The following BTN2A2 variants were observed in gnomAD, a reference collection of about 807,000 sequenced individuals.
BTN2A2 encodes butyrophilin subfamily 2 member A2.
BTN2A2 carries 29 observed loss-of-function variants against 34.7 expected under a neutral mutation model. The observed-to-expected ratio is 0.84, with a 90% CI of 0.62 to 1.14. The LOEUF (loss-of-function observed/expected upper bound fraction) is 1.14. Among genes scored for constraint, BTN2A2 ranks in the 50% most tolerant of loss-of-function variants. The pLI is 0.00. For missense variants in BTN2A2, 612 were observed against 651.5 expected (o/e 0.94, Z 0.66); for synonymous variants, 240 against 253.1 (o/e 0.95, Z 0.49).
rs191843070 is a variant in BTN2A2 at position 26,392,261 on chromosome 6, G to A, written c.980-114G>A. On this transcript the variant is annotated intron_variant, in intron 7 of 7. Transcript: ENST00000356709. ...GGGATCAGGGGACCTTCATGGAAAC[G>A]GCCACTACATGGGGAACCCCCTTCA... 9.3e-4 allele frequency: 1,465 copies of A among 1,571,738 alleles called. 1 individual carries two copies. Among genetic ancestry groups the A allele is most frequent in the Non-Finnish European group, 1.1e-3 (1,258 of 1,158,798 alleles).
At chr6:26,385,549 C>A in intron 3 of BTN2A2, 187 bp downstream of exon 3, 2 of 538,820 alleles carry the variant, frequency 3.7e-6, no homozygotes, top group Non-Finnish European at 6.5e-6. Flanking sequence ...ATAGGTTTCA[C>A]TTCTTTTTTT....
At chr6:26,388,518 CT>C (rs1313206426) in intron 4 of BTN2A2, among the ~76,000 whole-genome samples, 3 of 152,064 alleles carry the variant, frequency 2.0e-5, no homozygotes, top group South Asian at 4.2e-4. Context: ...TAAACCTGGT[CT>C]TTTTTTTCTT....
intron 3 of BTN2A2, among the ~76,000 whole-genome samples, chr6:26,387,198 C>G (rs1761256895): frequency 6.6e-6 from 1 of 152,084 alleles, no homozygotes; most frequent in Non-Finnish European, 1.5e-5. Flanking sequence ...CTTAAGGATC[C>G]CAGGGGCATC....
At position 26,390,093 on chromosome 6, in the gene BTN2A2, C is replaced by A; in HGVS notation, c.813C>A (p.Ile271=). ...CCTGGATGGTGTCCATGACTGTCATCCTGGCTGTTTTCATCATCTTCATGG... is the reference window on the plus strand; with the variant it reads ...CCTGGATGGTGTCCATGACTGTCATACTGGCTGTTTTCATCATCTTCATGG... The part of the protein sequence containing the change: ...ASPWMVSMTV[I]LAVFIIFMAV... Residue 271 remains isoleucine (I), a synonymous_variant, in exon 5 of 8, where the codon ATC becomes ATA. Coordinates refer to ENST00000356709, the MANE Select transcript of BTN2A2 (RefSeq NM_006995.5). 6.2e-7 allele frequency: 1 copy of A among 1,614,176 alleles called. No individual in the cohort carries two copies. Among genetic ancestry groups the A allele is most frequent in the Non-Finnish European group, 8.5e-7 (1 of 1,180,032 alleles).
At chr6:26,385,485 A>G in intron 3 of BTN2A2, 123 bp downstream of exon 3, 3 of 973,648 alleles carry the variant, frequency 3.1e-6, no homozygotes, top group South Asian at 1.7e-5. Context: ...TTCCACAGAG[A>G]AAGTGGCTTC....
chr6:26,385,028 C>T lies in BTN2A2; in HGVS notation c.108C>T (p.Val36=), dbSNP rs138070617. ...CTTGTTGAACAGCCCAGTTTACTGT[C>T]GTGGGGCCAGCTAATCCCATCCTGG... ...LCALVSAQFT[V]VGPANPILAM... The change falls in exon 3 of 8, where the codon GTC becomes GTT. Residue 36 remains valine, a synonymous_variant. Coordinates refer to ENST00000356709, the MANE Select transcript of BTN2A2 (RefSeq NM_006995.5). The T allele has an allele frequency of 1.0e-4, 165 of 1,613,482 alleles. No individual in the cohort carries two copies. Among genetic ancestry groups the T allele is most frequent in the Non-Finnish European group, 1.2e-4 (146 of 1,179,720 alleles).
chr6:26,393,224 CAGTCAAAAAGAA>C lies in BTN2A2; in HGVS notation c.*261_*272del. On this transcript the variant is annotated 3_prime_UTR_variant, in exon 8 of 8. Transcript: ENST00000356709. ...AGGGAACTAGTTGTTTCATAGCTCC[CAGTCAAAAAGAA>C]AGTGAGAGAAGCTGTTGGGCAGCGA... 1 of 1,491,662 alleles carries C rather than the reference CAGTCAAAAAGAA, an allele frequency of 6.7e-7. No individual in the cohort carries two copies. Among genetic ancestry groups the C allele is most frequent in the Non-Finnish European group, 8.9e-7 (1 of 1,122,528 alleles). 92.4% of individuals were successfully genotyped at this position (1,491,662 alleles called of 1,614,324 possible).
intron 5 of BTN2A2, 186 bp from the exon 6 acceptor site, chr6:26,390,501 A>G: frequency 5.1e-6 from 4 of 787,740 alleles, no homozygotes; most frequent in Non-Finnish European, 6.2e-6. Context: ...AAAGTCTAAC[A>G]ATGTACTGAT....
At chr6:26,390,752 CTGCTT>C in intron 6 of BTN2A2, 45 bp downstream of exon 6, 1 of 1,614,246 alleles carries the variant, frequency 6.2e-7, no homozygotes, top group Non-Finnish European at 8.5e-7. Context: ...AATTTGTGTT[CTGCTT>C]ACTTAGCAGT....
Position 26,384,956 on chromosome 6 carries a change from G to C in BTN2A2, c.95-59G>C, listed in dbSNP as rs1469779916. 1 of 1,499,480 alleles carries C rather than the reference G, an allele frequency of 6.7e-7. No homozygotes were observed. The highest frequency in any genetic ancestry group is 1.4e-5 in the African/African-American group (1 of 70,548). 92.9% of individuals were successfully genotyped at this position (1,499,480 alleles called of 1,614,324 possible). ...TGTTTGTTTTTGTTTTTTGTTTTTT[G>C]TTTTGCCTTAGAGTTGTGATAACTG... is the stretch of plus-strand genomic sequence containing the variant. On this transcript the variant is annotated intron_variant, in intron 2 of 7. Coordinates refer to ENST00000356709, the MANE Select transcript of BTN2A2 (RefSeq NM_006995.5). This position sits in a 1 kb window ranked among gnomAD's most constrained non-coding sequence, Gnocchi z 4.0.
rs759563161 is a variant in BTN2A2 at position 26,390,707 on chromosome 6, CG to C, written c.952+1del. On this transcript the variant is annotated splice_donor_variant, in intron 6 of 7. Coordinates refer to ENST00000356709, the MANE Select transcript of BTN2A2 (RefSeq NM_006995.5). LOFTEE classifies it high-confidence loss of function. ...TTCAGAGCAACTTCAAGAAGAATTG[CG>C]TAAGTTTAGCCTTTCCTGAACTACT... The C allele has an allele frequency of 1.2e-6, 2 of 1,614,096 alleles. No homozygotes were observed. The highest frequency in any genetic ancestry group is 2.7e-5 in the African/African-American group (2 of 74,926).
At position 26,384,924 on chromosome 6, in the gene BTN2A2, T is replaced by G. The variant is rs573003738; in HGVS notation, c.95-91T>G. On this transcript the variant is annotated intron_variant, in intron 2 of 7. Transcript: ENST00000356709. This position sits in a 1 kb window ranked among gnomAD's most constrained non-coding sequence, Gnocchi z 4.0. Reference sequence around the variant, plus strand: ...TGCTTCCTTTCATCCCTGGAGTTTTTTTTGTTTGTTTGTTTTTGTTTTTTG... The same window carrying G: ...TGCTTCCTTTCATCCCTGGAGTTTTGTTTGTTTGTTTGTTTTTGTTTTTTG... 31 of 1,325,690 alleles carry G rather than the reference T, an allele frequency of 2.3e-5. No individual in the cohort carries two copies. Among genetic ancestry groups the G allele is most frequent in the Admixed American group, 2.6e-5 (1 of 37,774 alleles). The allele number at this position is 1,325,690 out of a possible 1,614,324, so 82.1% of individuals were successfully genotyped here.
At chr6:26,392,097 T>A in intron 7 of BTN2A2, 1 of 861,744 alleles carries the variant, frequency 1.2e-6, no homozygotes, top group Non-Finnish European at 1.8e-6. Flanking sequence ...TGAGAAAAAC[T>A]GGGAACCATT....
chr6:26,392,183 T>C (rs1761615004), intron 7 of BTN2A2, 192 bp from the exon 8 acceptor site: 1 of 1,518,326 alleles, frequency 6.6e-7, no homozygotes, highest in Non-Finnish European at 8.9e-7. Context: ...ACTGCTTCTG[T>C]CTCTGGAGAG....
intron 5 of BTN2A2, chr6:26,390,474 G>T: frequency 1.4e-6 from 1 of 718,052 alleles, no homozygotes; most frequent in Non-Finnish European, 2.3e-6. Flanking sequence ...CTACATGGCT[G>T]AACGAAAGTT....
In BTN2A2 at chr6:26,384,942, G is replaced by GT. The variant is rs61364019; in HGVS notation, c.95-67dup. ...GAGTTTTTTTTGTTTGTTTGTTTTT[G>GT]TTTTTTGTTTTTTGTTTTGCCTTAG... On this transcript the variant is annotated intron_variant, in intron 2 of 7. Coordinates refer to ENST00000356709, the MANE Select transcript of BTN2A2 (RefSeq NM_006995.5). This position sits in a 1 kb window ranked among gnomAD's most constrained non-coding sequence, Gnocchi z 4.0. 0.19 allele frequency: 275,433 copies of GT among 1,424,404 alleles called. 33,983 individuals are homozygous for GT. Among genetic ancestry groups the GT allele is most frequent in the African/African-American group, 0.61 (41,914 of 69,144 alleles). The allele number at this position is 1,424,404 out of a possible 1,614,324, so 88.2% of individuals were successfully genotyped here. A position where few individuals can be genotyped will look rare whatever the true frequency, so the allele number is the denominator to read the frequency against.
In BTN2A2 at chr6:26,384,668, C is replaced by T. The variant is rs1489304509; in HGVS notation, c.95-347C>T. On this transcript the variant is annotated intron_variant, in intron 2 of 7. Coordinates refer to ENST00000356709, the MANE Select transcript of BTN2A2 (RefSeq NM_006995.5). The surrounding 1 kb of genome is among the most constrained non-coding windows in gnomAD (Gnocchi z 4.0). Reference sequence around the variant, plus strand: ...CTGTTAAATAGCTAGTGGATAGATACCCTAATGGACAGTTCAAGTTTACAC... The same window carrying T: ...CTGTTAAATAGCTAGTGGATAGATATCCTAATGGACAGTTCAAGTTTACAC... Among the ~76,000 whole-genome samples, 3 of 152,186 alleles carry T rather than the reference C, an allele frequency of 2.0e-5. No homozygotes were observed. The highest frequency in any genetic ancestry group is 4.1e-4 in the South Asian group (2 of 4,824).
rs1204570016 is a variant in BTN2A2 at position 26,385,696 on chromosome 6, A to G, written c.442+334A>G. ...CTCCTGAGTAGCTGAGATTACAGGC[A>G]TACACCACCATGCCCGGCTAATTTT... is the stretch of plus-strand genomic sequence containing the variant. On this transcript the variant is annotated intron_variant, in intron 3 of 7. Transcript: ENST00000356709. The G allele has an allele frequency of 1.4e-5, 3 of 212,832 alleles. No individual in the cohort carries two copies. The Admixed American group carries it at 1.6e-4, about 11-fold the overall frequency. The allele number at this position is 212,832 out of a possible 1,614,324, so 13.2% of individuals were successfully genotyped here. A position where few individuals can be genotyped will look rare whatever the true frequency, so the allele number is the denominator to read the frequency against.
Position 26,388,141 on chromosome 6 carries a change from C to G in BTN2A2, c.571C>G (p.Pro191Ala), listed in dbSNP as rs1405089952. 6.2e-7 allele frequency: 1 copy of G among 1,614,152 alleles called. No homozygotes were observed. The highest frequency in any genetic ancestry group is 1.7e-5 in the Admixed American group (1 of 60,022). The change falls in exon 4 of 8, where the codon CCC becomes GCC. Residue 191 changes from proline (P) to alanine (A), a missense_variant. Coordinates refer to ENST00000356709, the MANE Select transcript of BTN2A2 (RefSeq NM_006995.5). Reference sequence around the variant, plus strand: ...GAGGGACCCCTACGGTGAGGTTGTGCCCGCCCTGAAGGAGGTTTCCATCGC... The same window carrying G: ...GAGGGACCCCTACGGTGAGGTTGTGGCCGCCCTGAAGGAGGTTTCCATCGC... ...VWRDPYGEVV[P>A]ALKEVSIADA...
Sources: allele counts gnomAD v4.1 joint callset (sites outside exome capture counted in the v4.1 genomes callset), GRCh38; gene constraint gnomAD v4.1.1; non-coding constraint Gnocchi (gnomAD v3.1); transcripts MANE v1.5; gene names NCBI Gene and HGNC (gene_info 2026-07-23, HGNC 2026-07-21).